Variants in MAML3 observed in about 807,000 individuals in gnomAD.
The protein encoded by MAML3 is mastermind-like protein 3.
In MAML3, 27 loss-of-function variants were observed where a neutral mutation model predicts 101.9. That is an observed-to-expected ratio of 0.27 (90% confidence interval 0.20 to 0.37). The LOEUF is 0.37. Ranked by LOEUF, MAML3 falls within the 10% of genes least tolerant of loss-of-function variation. The pLI is 1.00. For synonymous variants in MAML3, 501 were observed against 555.9 expected (o/e 0.90, Z 1.39); for missense variants, 1,316 against 1,444.9 (o/e 0.91, Z 1.45).
At chr4:139,904,533 G>A (rs1397170305) in intron 1 of MAML3, among the ~76,000 whole-genome samples, 1 of 152,212 alleles carries the variant, frequency 6.6e-6, no homozygotes, top group Non-Finnish European at 1.5e-5. Flanking sequence ...CGCTGTGGGA[G>A]CACAAAGCAC....
intron 1 of MAML3, among the ~76,000 whole-genome samples, chr4:139,906,923 G>A (rs1340500925): frequency 6.6e-6 from 1 of 151,708 alleles, no homozygotes; most frequent in Non-Finnish European, 1.5e-5. Flanking sequence ...TATTTTTGAA[G>A]TCATGTGAAT....
chr4:140,075,146 G>A (rs1727745668), intron 1 of MAML3, among the ~76,000 whole-genome samples: 1 of 152,144 alleles, frequency 6.6e-6, no homozygotes, highest in African/African-American at 2.4e-5. Flanking sequence ...ACATTTCTGT[G>A]AGGCAGGTTA....
intron 1 of MAML3, among the ~76,000 whole-genome samples, chr4:139,896,208 C>T (rs1686882072): frequency 6.6e-6 from 1 of 152,100 alleles, no homozygotes; most frequent in Non-Finnish European, 1.5e-5. Context: ...ATGGGAATGC[C>T]TGGCTGCGCA....
intron 2 of MAML3, among the ~76,000 whole-genome samples, chr4:139,734,327 G>GAT (rs1202319226): frequency 1.3e-5 from 2 of 152,210 alleles, no homozygotes; most frequent in Admixed American, 6.5e-5. Flanking sequence ...CGTCATGCGA[G>GAT]ATGTAATGCC....
chr4:139,937,392 G>GT (rs949562371), intron 1 of MAML3, among the ~76,000 whole-genome samples: 3,038 of 143,400 alleles, frequency 0.021, 59 homozygotes, highest in African/African-American at 0.051. Flanking sequence ...TAGCAAAGGA[G>GT]TTTTTTTTTT....
At chr4:140,133,548 T>G (rs2111043393) in intron 1 of MAML3, among the ~76,000 whole-genome samples, 1 of 152,288 alleles carries the variant, frequency 6.6e-6, no homozygotes, top group South Asian at 2.1e-4. Context: ...ATAAGAGTCC[T>G]TCAGGTATTA....
chr4:140,151,782 G>C (rs1729175747), intron 1 of MAML3, among the ~76,000 whole-genome samples: 1 of 151,490 alleles, frequency 6.6e-6, no homozygotes, highest in Non-Finnish European at 1.5e-5. Context: ...ATAAGAGAAA[G>C]GATTCTAGCC....
At chr4:139,972,187 T>C (rs1734244702) in intron 1 of MAML3, among the ~76,000 whole-genome samples, 4 of 152,108 alleles carry the variant, frequency 2.6e-5, no homozygotes, top group Admixed American at 2.6e-4. Context: ...CCAGTATCCA[T>C]TAGCTATTTT....
chr4:139,725,872 G>A lies in MAML3; in HGVS notation c.2332-37C>T, dbSNP rs184667098. On this transcript the variant is annotated intron_variant, in intron 3 of 4. Transcript: ENST00000509479. ...GAACACAAGAGGGGTGGAGAGGTGAGATAGGGAGCAAGCACACAATTCAAT... is the reference window on the plus strand; with the variant it reads ...GAACACAAGAGGGGTGGAGAGGTGAAATAGGGAGCAAGCACACAATTCAAT... The A allele has an allele frequency of 3.2e-6, 5 of 1,543,626 alleles. No individual in the cohort carries two copies. In the East Asian group the frequency reaches 1.1e-4, roughly 35 times the overall value.
At position 139,946,452 on chromosome 4, in the gene MAML3, T is replaced by C. The variant is rs558394216; in HGVS notation, c.469-55485A>G. On this transcript the variant is annotated intron_variant, in intron 1 of 4. Transcript: ENST00000509479. ...GTGAATAATCTCAGTGCAATAATTTTTTTTTTGTTAAGCACACAGGTATGT... is the reference window on the plus strand; with the variant it reads ...GTGAATAATCTCAGTGCAATAATTTCTTTTTTGTTAAGCACACAGGTATGT... 2.0e-5 allele frequency among the ~76,000 whole-genome samples: 3 copies of C among 152,334 alleles called. No homozygotes were observed. The South Asian group carries it at 6.2e-4, about 32-fold the overall frequency.
chr4:140,055,482 C>G (rs779105542), intron 1 of MAML3, among the ~76,000 whole-genome samples: 2 of 152,192 alleles, frequency 1.3e-5, no homozygotes, highest in Non-Finnish European at 2.9e-5. Context: ...GGGTTGCTGT[C>G]ACTAATCAGC....
chr4:139,821,127 C>T (rs1578616683), intron 2 of MAML3, among the ~76,000 whole-genome samples: 1 of 152,160 alleles, frequency 6.6e-6, no homozygotes, highest in South Asian at 2.1e-4. Flanking sequence ...GATTATTTTT[C>T]TGTCTGTATG....
chr4:139,830,410 ATTTT>A (rs1157293904), intron 2 of MAML3, among the ~76,000 whole-genome samples: 1 of 121,304 alleles, frequency 8.2e-6, no homozygotes. Context: ...ACGCTGTGCT[ATTTT>A]TTTTTTTTTT....
chr4:140,127,615 A>G (rs1420148377), intron 1 of MAML3, among the ~76,000 whole-genome samples: 1 of 152,172 alleles, frequency 6.6e-6, no homozygotes. Context: ...TGAGCCTGCC[A>G]TCATGAGGCA....
chr4:140,058,417 T>A (rs1184199551), intron 1 of MAML3, among the ~76,000 whole-genome samples: 1 of 152,162 alleles, frequency 6.6e-6, no homozygotes, highest in South Asian at 2.1e-4. Context: ...TTTTAAAAAT[T>A]ACTAATTTAA....
rs557748480 is a variant in MAML3 at position 139,926,926 on chromosome 4, T to C, written c.469-35959A>G. Among the ~76,000 whole-genome samples, 82 of 152,352 alleles carry C rather than the reference T, an allele frequency of 5.4e-4. 1 individual carries two copies. The highest frequency in any genetic ancestry group is 9.7e-4 in the Non-Finnish European group (66 of 68,030). On this transcript the variant is annotated intron_variant, in intron 1 of 4. Coordinates refer to ENST00000509479, the MANE Select transcript of MAML3 (RefSeq NM_018717.5). ...ATTGCATTTAGTTGTTACTTCTCCA[T>C]AGAGAAGTATTGCCTTCCAGGCCAT...
intron 1 of MAML3, among the ~76,000 whole-genome samples, chr4:140,078,028 A>AATAAATAAATAAAT (rs1727800974): frequency 6.8e-6 from 1 of 147,960 alleles, no homozygotes; most frequent in Non-Finnish European, 1.5e-5. Context: ...AATAAATAAA[A>AATAAATAAATAAAT]AAATAAATAA....
chr4:139,883,654 A>C, intron 2 of MAML3, among the ~76,000 whole-genome samples: 1 of 152,086 alleles, frequency 6.6e-6, no homozygotes, highest in East Asian at 1.9e-4. Context: ...AATGCAATTT[A>C]TGGAGATAAA....
At chr4:140,043,264 T>C (rs1727117700) in intron 1 of MAML3, among the ~76,000 whole-genome samples, 1 of 152,178 alleles carries the variant, frequency 6.6e-6, no homozygotes, top group Admixed American at 6.5e-5. Flanking sequence ...GCTAAATCTA[T>C]CTAGACTGAC....
Sources: allele counts gnomAD v4.1 joint callset (sites outside exome capture counted in the v4.1 genomes callset), GRCh38; gene constraint gnomAD v4.1.1; transcripts MANE v1.5; gene names NCBI Gene and HGNC (gene_info 2026-07-23, HGNC 2026-07-21).